Variants in PDGFRB observed in about 807,000 individuals in gnomAD.
PDGFRB encodes the protein platelet derived growth factor receptor beta, also known as platelet-derived growth factor receptor beta.
Under a neutral mutation model 120.2 loss-of-function variants are expected in PDGFRB, and 42 were observed. That is an observed-to-expected ratio of 0.35 (90% CI 0.27 to 0.45). PDGFRB has a LOEUF of 0.45. PDGFRB is among the 20% of genes least tolerant of loss of function. The pLI is 1.00. For synonymous variants in PDGFRB, 586 were observed against 606.8 expected, an observed-to-expected ratio of 0.97 and a Z score of 0.50; for missense variants, 1,149 against 1,476.3, an observed-to-expected ratio of 0.78 and a Z score of 3.63.
chr5:150,137,139 C>A, intron 1 of PDGFRB, 86 bp from the exon 2 acceptor site: 1 of 1,191,542 alleles, frequency 8.4e-7, no homozygotes, highest in Non-Finnish European at 1.2e-6. Flanking sequence ...GCAGAATGAG[C>A]CCCAGCTTGG....
rs1760147764 is a variant in PDGFRB at position 150,121,910 on chromosome 5, T to A, written c.2314A>T (p.Met772Leu). 2 of 1,613,532 alleles carry A rather than the reference T, an allele frequency of 1.2e-6. No homozygotes were observed. Among genetic ancestry groups the A allele is most frequent in the Non-Finnish European group, 1.7e-6 (2 of 1,179,456 alleles). Reference protein sequence around the residue: ...KYADIESSNYMAPYDNYVPSA... With the variant: ...KYADIESSNYLAPYDNYVPSA... ...GGAACGTAGTTATCGTAAGGGGCCA[T>A]GTAGTTGGAGGACTCGATGTCTGCA... Residue 772 changes from methionine (M) to leucine (L), a missense_variant, in exon 16 of 23, where the codon ATG (methionine) becomes TTG (leucine). Transcript: ENST00000261799. This position sits in a 1 kb window ranked among gnomAD's most constrained non-coding sequence, Gnocchi z 4.1.
intron 1 of PDGFRB, among the ~76,000 whole-genome samples, chr5:150,140,484 C>T (rs1012183800): frequency 6.6e-6 from 1 of 152,176 alleles, no homozygotes; most frequent in Non-Finnish European, 1.5e-5. Flanking sequence ...GCCAGGAACC[C>T]CTCCTGATTC....
intron 1 of PDGFRB, among the ~76,000 whole-genome samples, chr5:150,146,184 A>C (rs575475442): frequency 1.3e-5 from 2 of 152,122 alleles, no homozygotes; most frequent in African/African-American, 4.8e-5. Flanking sequence ...GAGAATTGTT[A>C]ATTACACTGA....
At chr5:150,124,606 G>C (rs1162012669) in intron 13 of PDGFRB, 121 bp downstream of exon 13, 1 of 627,852 alleles carries the variant, frequency 1.6e-6, no homozygotes, top group Non-Finnish European at 2.9e-6. Flanking sequence ...GCCTGCTGCA[G>C]TGTGATGGCC....
chr5:150,126,660 C>T, intron 10 of PDGFRB, 46 bp from the exon 11 acceptor site: 1 of 984,586 alleles, frequency 1.0e-6, no homozygotes, highest in Non-Finnish European at 1.6e-6. Context: ...TGGGCAGCTA[C>T]CCTCCCCTCA....
At chr5:150,155,320 T>TTA (rs56154406) in intron 1 of PDGFRB, 77 bp downstream of exon 1, 1 of 267,962 alleles carries the variant, frequency 3.7e-6, no homozygotes, top group Non-Finnish European at 7.0e-6. Context: ...TTTTTTTTTT[T>TTA]ACCTACTCGA....
chr5:150,153,220 C>A (rs1761128277), intron 1 of PDGFRB, among the ~76,000 whole-genome samples: 1 of 152,196 alleles, frequency 6.6e-6, no homozygotes, highest in Non-Finnish European at 1.5e-5. Context: ...GCTCTTCTTC[C>A]CGCAGAGGAG....
intron 10 of PDGFRB, 52 bp from the exon 11 acceptor site, chr5:150,126,666 C>T (rs894899378): frequency 6.5e-6 from 6 of 925,508 alleles, no homozygotes; most frequent in Non-Finnish European, 1.1e-5. Flanking sequence ...GCTACCCTCC[C>T]CTCACCCCAT....
chr5:150,133,539 G>A, intron 6 of PDGFRB, 47 bp downstream of exon 6: 2 of 1,501,574 alleles, frequency 1.3e-6, no homozygotes, highest in Non-Finnish European at 1.9e-6. Flanking sequence ...GGTGAGGGTG[G>A]GGAGCGTTGA....
Position 150,132,241 on chromosome 5 carries a change from A to G in PDGFRB, c.1128-147T>C, listed in dbSNP as rs1337636869. On this transcript the variant is annotated intron_variant, in intron 7 of 22. Coordinates refer to ENST00000261799, the MANE Select transcript of PDGFRB (RefSeq NM_002609.4). The surrounding 1 kb of genome is among the most constrained non-coding windows in gnomAD (Gnocchi z 5.0). ...TGGTAGCAGAGCCGGGACTCAAACC[A>G]GGTCTCGTAAATCCTCACCCACAGG... 1.5e-5 allele frequency: 9 copies of G among 608,530 alleles called. No individual in the cohort carries two copies. The highest frequency in any genetic ancestry group is 2.7e-5 in the Non-Finnish European group (9 of 335,700). 37.7% of individuals were successfully genotyped at this position (608,530 alleles called of 1,614,324 possible). A position where few individuals can be genotyped will look rare whatever the true frequency, so the allele number is the denominator to read the frequency against.
intron 1 of PDGFRB, among the ~76,000 whole-genome samples, chr5:150,142,668 A>G (rs971828826): frequency 2.0e-5 from 3 of 149,868 alleles, no homozygotes; most frequent in African/African-American, 7.6e-5. Context: ...AGGCCCCAGT[A>G]GATGCCTGAA....
chr5:150,120,166 T>A lies in PDGFRB; in HGVS notation c.2587-43A>T. ...CAGGTGCTGAGTGCAAGGAAGGACC[T>A]CAGCCCCACTCTGCACCTGGGATGG... On this transcript the variant is annotated intron_variant, in intron 18 of 22. Transcript: ENST00000261799. The surrounding 1 kb of genome is among the most constrained non-coding windows in gnomAD (Gnocchi z 4.3). The A allele has an allele frequency of 1.2e-6, 1 of 850,180 alleles. No individual in the cohort carries two copies. The highest frequency in any genetic ancestry group is 2.1e-6 in the Non-Finnish European group (1 of 483,310). The allele number at this position is 850,180 out of a possible 1,614,324, so 52.7% of individuals were successfully genotyped here. A position where few individuals can be genotyped will look rare whatever the true frequency, so the allele number is the denominator to read the frequency against.
intron 1 of PDGFRB, among the ~76,000 whole-genome samples, chr5:150,140,001 C>T (rs1760737028): frequency 6.6e-6 from 1 of 150,402 alleles, no homozygotes; most frequent in African/African-American, 2.4e-5. Flanking sequence ...AAAAGTTAGA[C>T]AACAGTGTTT....
At chr5:150,130,017 A>G (rs1760417091) in intron 9 of PDGFRB, 49 bp from the exon 10 acceptor site, 1 of 1,423,220 alleles carries the variant, frequency 7.0e-7, no homozygotes, top group African/African-American at 1.4e-5. Context: ...CCCCTTGCAG[A>G]CAGGGAAACT....
chr5:150,123,888 C>T (rs1345895433), intron 14 of PDGFRB, among the ~76,000 whole-genome samples: 2 of 152,190 alleles, frequency 1.3e-5, no homozygotes, highest in Non-Finnish European at 2.9e-5. Flanking sequence ...GAAGGTAGCT[C>T]CCAAGTAGCA....
At chr5:150,116,373 G>T (rs1759933303) in intron 22 of PDGFRB, among the ~76,000 whole-genome samples, 1 of 152,166 alleles carries the variant, frequency 6.6e-6, no homozygotes, top group Non-Finnish European at 1.5e-5. Context: ...AGCACTTTGG[G>T]AGGCCGAGGC....
In PDGFRB at chr5:150,120,366, GC is replaced by G. The variant is rs904816081; in HGVS notation, c.2587-244del. Among the ~76,000 whole-genome samples, 11 of 152,172 alleles carry G rather than the reference GC, an allele frequency of 7.2e-5. No individual in the cohort carries two copies. The highest frequency in any genetic ancestry group is 2.4e-4 in the African/African-American group (10 of 41,444). ...AGGCAGCCCCTGTCCCTGGGGAAAA[GC>G]CCCAGGGTCTGAGTAGTGAAGTGTG... is the stretch of plus-strand genomic sequence containing the variant. On this transcript the variant is annotated intron_variant, in intron 18 of 22. Coordinates refer to ENST00000261799, the MANE Select transcript of PDGFRB (RefSeq NM_002609.4). The surrounding 1 kb of genome is among the most constrained non-coding windows in gnomAD (Gnocchi z 4.3).
At chr5:150,145,498 AT>A (rs912537093) in intron 1 of PDGFRB, among the ~76,000 whole-genome samples, 1 of 152,200 alleles carries the variant, frequency 6.6e-6, no homozygotes, top group Admixed American at 6.5e-5. Flanking sequence ...CCTCAGAACA[AT>A]CCCATGACAT....
intron 1 of PDGFRB, among the ~76,000 whole-genome samples, chr5:150,141,214 G>A (rs755685483): frequency 3.9e-5 from 6 of 152,218 alleles, no homozygotes; most frequent in East Asian, 1.9e-4. Flanking sequence ...CCCAGCACCC[G>A]TGGAGATGCA....
Sources: allele counts gnomAD v4.1 joint callset (sites outside exome capture counted in the v4.1 genomes callset), GRCh38; gene constraint gnomAD v4.1.1; non-coding constraint Gnocchi (gnomAD v3.1); transcripts MANE v1.5; gene names NCBI Gene and HGNC (gene_info 2026-07-23, HGNC 2026-07-21).